The following SDK1 variants were observed in gnomAD, a reference collection of about 807,000 sequenced individuals.
SDK1 encodes protein sidekick-1.
In SDK1, 157 loss-of-function variants were observed where a neutral mutation model predicts 245.5. That is an observed-to-expected ratio of 0.64 (90% CI 0.56 to 0.73). The LOEUF is 0.73. Among genes scored for constraint, SDK1 ranks in the 30% least tolerant of loss-of-function variants. The probability of loss-of-function intolerance (pLI) is 0.00; values close to 1 mark genes in which losing one functional copy is unlikely to be tolerated. For synonymous variants in SDK1, 1,647 were observed against 1,278.5 expected (o/e 1.29, Z -6.15); for missense variants, 3,583 against 3,002.3 (o/e 1.19, Z -4.52).
intron 19 of SDK1, among the ~76,000 whole-genome samples, chr7:4,056,913 T>C (rs1779240536): frequency 6.6e-6 from 1 of 152,142 alleles, no homozygotes; most frequent in South Asian, 2.1e-4. Flanking sequence ...CTCCATATTC[T>C]GCAGCCCCAC....
At chr7:3,362,707 G>A (rs745993076) in intron 1 of SDK1, among the ~76,000 whole-genome samples, 10 of 152,130 alleles carry the variant, frequency 6.6e-5, no homozygotes, top group Non-Finnish European at 8.8e-5. Context: ...GAAACAATAT[G>A]TATTGATAAT....
chr7:3,847,551 C>T (rs569974794), intron 5 of SDK1, among the ~76,000 whole-genome samples: 1 of 152,338 alleles, frequency 6.6e-6, no homozygotes, highest in Non-Finnish European at 1.5e-5. Flanking sequence ...AGCCGGCCTT[C>T]CTCCTCTTGC....
intron 5 of SDK1, among the ~76,000 whole-genome samples, chr7:3,888,151 G>A (rs1180078172): frequency 1.3e-5 from 2 of 152,194 alleles, no homozygotes; most frequent in Non-Finnish European, 2.9e-5. Context: ...AATGATAGAT[G>A]CCGCACCTTC....
intron 1 of SDK1, among the ~76,000 whole-genome samples, chr7:3,450,433 G>A (rs1780476602): frequency 6.6e-6 from 1 of 152,180 alleles, no homozygotes; most frequent in Admixed American, 6.5e-5. Context: ...GTTTGGGGCA[G>A]ATAATAAAGT....
intron 4 of SDK1, among the ~76,000 whole-genome samples, chr7:3,673,494 A>G (rs778724336): frequency 6.6e-6 from 1 of 152,188 alleles, no homozygotes; most frequent in Non-Finnish European, 1.5e-5. Flanking sequence ...TTTATAATCA[A>G]TGTTTAAACA....
chr7:3,492,686 A>G (rs1202924801), intron 1 of SDK1, among the ~76,000 whole-genome samples: 1 of 152,120 alleles, frequency 6.6e-6, no homozygotes, highest in Non-Finnish European at 1.5e-5. Flanking sequence ...TTCCTGGTTG[A>G]CTGATGCTCT....
At position 4,204,376 on chromosome 7, in the gene SDK1, A is replaced by G. The variant is rs928191703; in HGVS notation, c.5099-1503A>G. 1.2e-4 allele frequency among the ~76,000 whole-genome samples: 19 copies of G among 152,154 alleles called. 1 individual carries two copies. The highest frequency in any genetic ancestry group is 7.2e-4 in the Admixed American group (11 of 15,278). On this transcript the variant is annotated intron_variant, in intron 35 of 44. Coordinates refer to ENST00000404826, the MANE Select transcript of SDK1 (RefSeq NM_152744.4). The stretch of plus-strand genomic sequence containing the variant: ...ATGAGGCTGAGCATCTGTCACAACA[A>G]CCTGGTGTGGGCTATTAACATTTCC...
In SDK1 at chr7:3,903,236, C is replaced by G. The variant is rs1052122022; in HGVS notation, c.848-47687C>G. Among the ~76,000 whole-genome samples, 10 of 151,582 alleles carry G rather than the reference C, an allele frequency of 6.6e-5. No homozygotes were observed. In the East Asian group the frequency reaches 1.6e-3, roughly 24 times the overall value. On this transcript the variant is annotated intron_variant, in intron 5 of 44. Coordinates refer to ENST00000404826, the MANE Select transcript of SDK1 (RefSeq NM_152744.4). Reference sequence around the variant, plus strand: ...TCGGCTCACTGCAAGCTCCACCTCCCGGGTTCACTCCATTCTCCTGCCTCA... The same window carrying G: ...TCGGCTCACTGCAAGCTCCACCTCCGGGGTTCACTCCATTCTCCTGCCTCA...
chr7:3,471,743 A>G (rs1173910056), intron 1 of SDK1, among the ~76,000 whole-genome samples: 4 of 152,160 alleles, frequency 2.6e-5, no homozygotes, highest in African/African-American at 9.7e-5. Flanking sequence ...CTTAGCCAAG[A>G]ACAGAGTAAG....
At chr7:4,151,894 A>G (rs1780407411) in intron 30 of SDK1, among the ~76,000 whole-genome samples, 1 of 152,216 alleles carries the variant, frequency 6.6e-6, no homozygotes, top group Non-Finnish European at 1.5e-5. Context: ...TCCGTGAGCC[A>G]GAGGTCAAGG....
At chr7:4,110,840 G>A in intron 23 of SDK1, 68 bp downstream of exon 23, 1 of 1,075,928 alleles carries the variant, frequency 9.3e-7, no homozygotes, top group Non-Finnish European at 1.4e-6. Flanking sequence ...CCTTCTGTTG[G>A]CAATAGTAAA....
At chr7:3,371,864 A>G (rs369760116) in intron 1 of SDK1, among the ~76,000 whole-genome samples, 1 of 152,198 alleles carries the variant, frequency 6.6e-6, no homozygotes, top group African/African-American at 2.4e-5. Context: ...CAGTCGGCCA[A>G]AATTAACGAA....
Position 3,925,989 on chromosome 7 carries a change from C to T in SDK1, c.848-24934C>T, listed in dbSNP as rs184820967. ...TTTCAGGTCCTAAAGTAAAGAGGGT[C>T]TCAGGAGGGTGTAAGGGCAGCACGT... On this transcript the variant is annotated intron_variant, in intron 5 of 44. Coordinates refer to ENST00000404826, the MANE Select transcript of SDK1 (RefSeq NM_152744.4). 2.0e-5 allele frequency among the ~76,000 whole-genome samples: 3 copies of T among 152,306 alleles called. No homozygotes were observed. In the East Asian group the frequency reaches 5.8e-4, roughly 29 times the overall value.
intron 14 of SDK1, among the ~76,000 whole-genome samples, chr7:3,998,068 C>T (rs1156643512): frequency 6.6e-6 from 1 of 152,230 alleles, no homozygotes; most frequent in African/African-American, 2.4e-5. Flanking sequence ...TGCCTGCTCC[C>T]AGCCCGCCAA....
chr7:3,403,187 G>C (rs1379653162), intron 1 of SDK1, among the ~76,000 whole-genome samples: 1 of 152,120 alleles, frequency 6.6e-6, no homozygotes, highest in African/African-American at 2.4e-5. Context: ...GCCCGCCTTA[G>C]CCTCCCAAAG....
At chr7:3,746,830 T>C (rs1037916240) in intron 4 of SDK1, among the ~76,000 whole-genome samples, 2 of 152,196 alleles carry the variant, frequency 1.3e-5, no homozygotes, top group Admixed American at 1.3e-4. Flanking sequence ...TGGAGTCAGC[T>C]TCTCCCAAAC....
At chr7:3,760,893 G>C (rs1780077788) in intron 4 of SDK1, among the ~76,000 whole-genome samples, 1 of 152,192 alleles carries the variant, frequency 6.6e-6, no homozygotes. Flanking sequence ...TTTTAACGCT[G>C]AGTAGTGAAG....
chr7:4,205,793 G>A, intron 35 of SDK1, 86 bp from the exon 36 acceptor site: 1 of 1,097,722 alleles, frequency 9.1e-7, no homozygotes, highest in Non-Finnish European at 1.4e-6. Context: ...ATTAGGGCAT[G>A]CTCGAGCCCC....
intron 2 of SDK1, 134 bp downstream of exon 2, chr7:3,619,373 A>G: frequency 1.5e-6 from 1 of 686,010 alleles, no homozygotes; most frequent in Non-Finnish European, 2.4e-6. Flanking sequence ...AAAGGAATAG[A>G]TTTGAATATG....
Sources: allele counts gnomAD v4.1 joint callset (sites outside exome capture counted in the v4.1 genomes callset), GRCh38; gene constraint gnomAD v4.1.1; transcripts MANE v1.5; gene names NCBI Gene and HGNC (gene_info 2026-07-23, HGNC 2026-07-21).